ELP6: variants seen among roughly 807,000 people sequenced by gnomAD.
ELP6 encodes the protein elongator acetyltransferase complex subunit 6.
In ELP6, 23 loss-of-function variants were observed where a neutral mutation model predicts 28.1. The ratio of observed to expected loss-of-function variants is 0.82; its 90% confidence interval spans 0.59 to 1.16. The LOEUF (loss-of-function observed/expected upper bound fraction) is 1.16, where lower values mean the gene tolerates loss of function less well. ELP6 is among the 50% of genes most tolerant of loss of function. ELP6 has a pLI of 0.00. For synonymous variants in ELP6, 132 were observed against 135.8 expected, an observed-to-expected ratio of 0.97 and a Z score of 0.19; for missense variants, 313 against 334.6, an observed-to-expected ratio of 0.94 and a Z score of 0.50.
At chr3:47,512,010 T>G in intron 1 of ELP6, 1 of 985,444 alleles carries the variant, frequency 1.0e-6, no homozygotes, top group Non-Finnish European at 1.2e-6. Flanking sequence ...CATTTCCTGG[T>G]GCCCACTTGA....
At chr3:47,513,445 C>A in intron 1 of ELP6, 92 bp downstream of exon 1, 1 of 1,551,386 alleles carries the variant, frequency 6.4e-7, no homozygotes, top group African/African-American at 1.4e-5. Context: ...GGTCGTCGCG[C>A]CATTCCCCGG....
At chr3:47,496,518 CAG>C (rs1319302649) in intron 6 of ELP6, 1 of 861,112 alleles carries the variant, frequency 1.2e-6, no homozygotes, top group African/African-American at 1.9e-5. Flanking sequence ...TTTTTTGAAG[CAG>C]AGTCTCACTC....
chr3:47,498,862 T>A (rs549719338), intron 5 of ELP6, among the ~76,000 whole-genome samples: 7 of 152,166 alleles, frequency 4.6e-5, no homozygotes, highest in South Asian at 2.1e-4. Context: ...CAATACAGAA[T>A]GATAAGACCA....
chr3:47,512,078 C>G, intron 1 of ELP6: 1 of 985,390 alleles, frequency 1.0e-6, no homozygotes, highest in Non-Finnish European at 1.2e-6. Flanking sequence ...TGGTAACTGG[C>G]AAGGTAATCA....
chr3:47,503,640 C>T (rs1708733871), intron 4 of ELP6, among the ~76,000 whole-genome samples: 1 of 152,132 alleles, frequency 6.6e-6, no homozygotes. Context: ...CGGTGGCTCA[C>T]TCTTGTAATC....
Position 47,496,199 on chromosome 3 carries a change from TAC to T in ELP6, c.673-4_673-3del, listed in dbSNP as rs1332517016. The T allele has an allele frequency of 6.2e-7, 1 of 1,612,940 alleles. No individual in the cohort carries two copies. The highest frequency in any genetic ancestry group is 8.5e-7 in the Non-Finnish European group (1 of 1,179,750). On this transcript the variant is annotated splice_region_variant and splice_polypyrimidine_tract_variant and intron_variant, in intron 6 of 6. Transcript: ENST00000296149. ...TGGTCTCCTCCACAGGATCCTCAGC[TAC>T]AGAGACAGAGAAGAATGAAAGAGGA...
Position 47,504,411 on chromosome 3 carries a change from AGCT to A in ELP6, c.239_241del (p.Gln80del), listed in dbSNP as rs1275725694. The A allele has an allele frequency of 6.2e-7, 1 of 1,609,216 alleles. No individual in the cohort carries two copies. Among genetic ancestry groups the A allele is most frequent in the South Asian group, 1.1e-5 (1 of 90,174 alleles). The stretch of plus-strand genomic sequence containing the variant: ...AGACTTGAGTCCCTCAAGGAACACA[AGCT>A]GCCCACGCTCCCGCGCCATGGTCAG... On this transcript the variant is annotated inframe_deletion, in exon 4 of 7. Coordinates refer to ENST00000296149, the MANE Select transcript of ELP6 (RefSeq NM_001031703.3).
At chr3:47,498,056 GC>G in intron 6 of ELP6, 1 of 1,406,110 alleles carries the variant, frequency 7.1e-7, no homozygotes, top group Non-Finnish European at 9.3e-7. Flanking sequence ...CTTTAAGAGT[GC>G]CCCACTTTGG....
chr3:47,504,196 C>G (rs751031675), intron 4 of ELP6, 134 bp downstream of exon 4: 3 of 1,099,500 alleles, frequency 2.7e-6, no homozygotes, highest in Admixed American at 5.3e-5. Context: ...TGCTGCAACA[C>G]CAGATGAAGT....
At chr3:47,499,441 C>T (rs1451789217) in intron 5 of ELP6, among the ~76,000 whole-genome samples, 1 of 151,640 alleles carries the variant, frequency 6.6e-6, no homozygotes, top group Non-Finnish European at 1.5e-5. Flanking sequence ...ATTGCTTGAA[C>T]CCAGGAGGCA....
In ELP6 at chr3:47,513,574, T is replaced by G; in HGVS notation, c.17A>C (p.Asn6Thr). Residue 6 changes from asparagine to threonine, a missense_variant, in exon 1 of 7, where the codon AAT (asparagine) becomes ACT (threonine). Asn to Thr is a moderately conservative substitution (Grantham distance 65). Transcript: ENST00000296149. MFVEL[N>T]NLLNTTPDRA... is the part of the protein sequence containing the mutation. The stretch of plus-strand genomic sequence containing the variant: ...GTCGGGGGTGGTGTTAAGCAGGTTA[T>G]TAAGTTCCACGAACATTCCGAGCTC... The G allele has an allele frequency of 6.2e-7, 1 of 1,613,204 alleles. No individual in the cohort carries two copies. Among genetic ancestry groups the G allele is most frequent in the Non-Finnish European group, 8.5e-7 (1 of 1,179,556 alleles).
At chr3:47,510,127 C>G in intron 3 of ELP6, 57 bp downstream of exon 3, 2 of 1,317,404 alleles carry the variant, frequency 1.5e-6, no homozygotes, top group South Asian at 2.4e-5. Context: ...AGCTTTAGAC[C>G]ATGTGTGACA....
At chr3:47,512,482 G>A (rs1300044090) in intron 1 of ELP6, 2 of 407,630 alleles carry the variant, frequency 4.9e-6, no homozygotes, top group Non-Finnish European at 6.6e-6. Context: ...AACCCGGGAG[G>A]TGAGGTTGCA....
At chr3:47,497,333 C>A in intron 6 of ELP6, 1 of 983,710 alleles carries the variant, frequency 1.0e-6, no homozygotes, top group Non-Finnish European at 1.2e-6. Context: ...CTCCCCAAGT[C>A]GTTTTTCTTT....
At chr3:47,511,869 A>G (rs1709026302) in intron 1 of ELP6, 2 of 985,582 alleles carry the variant, frequency 2.0e-6, no homozygotes, top group Non-Finnish European at 2.4e-6. Flanking sequence ...GGATCAAGTG[A>G]TATCATGCAT....
intron 3 of ELP6, among the ~76,000 whole-genome samples, chr3:47,506,850 G>A (rs1323549262): frequency 6.6e-6 from 1 of 152,138 alleles, no homozygotes; most frequent in East Asian, 1.9e-4. Flanking sequence ...TTAATTTGGG[G>A]AACTAATAAA....
At chr3:47,513,480 G>A (rs2029969547) in intron 1 of ELP6, 57 bp downstream of exon 1, 2 of 1,586,658 alleles carry the variant, frequency 1.3e-6, no homozygotes, top group Non-Finnish European at 1.7e-6. Context: ...CCTCCCGGAT[G>A]CAGTATTCCG....
chr3:47,507,957 TTTAG>T (rs772071719), intron 3 of ELP6, among the ~76,000 whole-genome samples: 54,412 of 151,898 alleles, frequency 0.36, 10,076 homozygotes, highest in Middle Eastern at 0.48. Flanking sequence ...AAGTAGCCAG[TTTAG>T]ATATGCGAAC....
At chr3:47,510,315 C>A in intron 2 of ELP6, 61 bp from the exon 3 acceptor site, 1 of 1,443,314 alleles carries the variant, frequency 6.9e-7, no homozygotes, top group South Asian at 1.2e-5. Context: ...TCACTGATTT[C>A]ATACCTCTGG....
Sources: allele counts gnomAD v4.1 joint callset (sites outside exome capture counted in the v4.1 genomes callset), GRCh38; gene constraint gnomAD v4.1.1; transcripts MANE v1.5; gene names NCBI Gene and HGNC (gene_info 2026-07-23, HGNC 2026-07-21).